The following PGPEP1L variants were observed in gnomAD, a reference collection of about 807,000 sequenced individuals.
PGPEP1L encodes pyroglutamyl-peptidase 1-like protein.
A neutral mutation model predicts 6.0 loss-of-function variants in PGPEP1L; 7 were observed. That is an observed-to-expected ratio of 1.17 (90% CI 0.66 to 2.19). The LOEUF is 2.19. PGPEP1L is among the 30% of genes most tolerant of loss of function. PGPEP1L has a pLI of 0.00. For missense variants in PGPEP1L, 209 were observed against 192.5 expected, an observed-to-expected ratio of 1.09 and a Z score of -0.51; for synonymous variants, 103 against 83.9, an observed-to-expected ratio of 1.23 and a Z score of -1.24.
Position 98,968,575 on chromosome 15 carries a change from A to ACC in PGPEP1L, c.331_332insGG (p.Val111GlyfsTer75). The ACC allele has an allele frequency of 1.2e-6, 2 of 1,611,432 alleles. No homozygotes were observed. Among genetic ancestry groups the ACC allele is most frequent in the Non-Finnish European group, 1.7e-6 (2 of 1,178,806 alleles). On this transcript the variant is annotated frameshift_variant, in exon 5 of 5. Coordinates refer to ENST00000535714, the MANE Select transcript of PGPEP1L (RefSeq NM_001167902.2). LOFTEE classifies it low-confidence loss of function (END_TRUNC). ...CTCTTCCAGCATTTCCTGGATGATG[A>ACC]CTCTCAAGGCTCTTCCCAGCAGGCT...
At chr15:98,989,041 A>C (rs551521117) in intron 2 of PGPEP1L, among the ~76,000 whole-genome samples, 1 of 152,362 alleles carries the variant, frequency 6.6e-6, no homozygotes, top group East Asian at 1.9e-4. Flanking sequence ...CAGTGCAAAA[A>C]GGCTGAAAAT....
chr15:98,969,217 C>T (rs1473353666), intron 4 of PGPEP1L, among the ~76,000 whole-genome samples: 1 of 152,216 alleles, frequency 6.6e-6, no homozygotes, highest in Non-Finnish European at 1.5e-5. Flanking sequence ...ACCGTGTTTC[C>T]ACAGGCAGGT....
intron 3 of PGPEP1L, 24 bp downstream of exon 3, chr15:98,971,012 C>T: frequency 6.2e-6 from 10 of 1,612,734 alleles, no homozygotes; most frequent in Non-Finnish European, 8.5e-6. Context: ...GTCCCATGCC[C>T]CACTGCCTCT....
chr15:99,001,687 T>C (rs2017972595), intron 2 of PGPEP1L, among the ~76,000 whole-genome samples: 2 of 89,378 alleles, frequency 2.2e-5, no homozygotes. Flanking sequence ...ATGTACTGTA[T>C]GATTTCATTT....
intron 2 of PGPEP1L, among the ~76,000 whole-genome samples, chr15:98,991,230 AAGAG>A (rs1235167204): frequency 6.6e-6 from 1 of 152,160 alleles, no homozygotes; most frequent in East Asian, 1.9e-4. Flanking sequence ...TAATAAAGAA[AAGAG>A]AGAAGAATCA....
chr15:98,975,081 TGAA>T, intron 2 of PGPEP1L, among the ~76,000 whole-genome samples: 1 of 152,178 alleles, frequency 6.6e-6, no homozygotes. Context: ...TGCCCATGAA[TGAA>T]TGAATGAATG....
intron 2 of PGPEP1L, among the ~76,000 whole-genome samples, chr15:98,988,374 G>A (rs530587072): frequency 6.6e-6 from 1 of 152,166 alleles, no homozygotes; most frequent in Admixed American, 6.5e-5. Context: ...AAAGCCACCG[G>A]GAAGTTCAAA....
At chr15:98,996,014 G>C (rs1241403104) in intron 2 of PGPEP1L, among the ~76,000 whole-genome samples, 2 of 152,022 alleles carry the variant, frequency 1.3e-5, no homozygotes, top group African/African-American at 4.8e-5. Flanking sequence ...CTCAACAACT[G>C]TTTTAAATTT....
At chr15:98,991,075 C>G (rs1327457093) in intron 2 of PGPEP1L, among the ~76,000 whole-genome samples, 1 of 151,726 alleles carries the variant, frequency 6.6e-6, no homozygotes, top group Non-Finnish European at 1.5e-5. Flanking sequence ...AGAACAAATT[C>G]AAAAGCTAGC....
At chr15:98,994,989 G>A (rs550589968) in intron 2 of PGPEP1L, among the ~76,000 whole-genome samples, 1 of 151,918 alleles carries the variant, frequency 6.6e-6, no homozygotes, top group African/African-American at 2.4e-5. Flanking sequence ...CCTTGTTTTT[G>A]GTATTCTGTA....
intron 2 of PGPEP1L, among the ~76,000 whole-genome samples, chr15:98,972,366 A>ATAAG (rs1266579514): frequency 1.3e-5 from 2 of 148,690 alleles, no homozygotes; most frequent in Non-Finnish European, 3.0e-5. Flanking sequence ...AAATAAATAA[A>ATAAG]TAAATAAATA....
intron 2 of PGPEP1L, among the ~76,000 whole-genome samples, chr15:98,978,135 G>T (rs1191782819): frequency 6.6e-6 from 1 of 152,198 alleles, no homozygotes; most frequent in Non-Finnish European, 1.5e-5. Context: ...CACCTCCAGA[G>T]ATCTTTTCGG....
chr15:98,988,011 G>A lies in PGPEP1L; in HGVS notation c.-141-16853C>T, dbSNP rs116623561. Among the ~76,000 whole-genome samples the A allele has an allele frequency of 2.8e-3, 429 of 152,340 alleles. 2 individuals carry two copies. The highest frequency in any genetic ancestry group is 7.9e-3 in the African/African-American group (328 of 41,582). ...ACTGGCAGACCAGGGGATTCCCTCCGGTGCCTAGGCCACCAGGGCCCTGGG... is the reference window on the plus strand; with the variant it reads ...ACTGGCAGACCAGGGGATTCCCTCCAGTGCCTAGGCCACCAGGGCCCTGGG... On this transcript the variant is annotated intron_variant, in intron 2 of 4. Coordinates refer to ENST00000535714, the MANE Select transcript of PGPEP1L (RefSeq NM_001167902.2).
intron 2 of PGPEP1L, among the ~76,000 whole-genome samples, chr15:98,985,562 C>A (rs531733733): frequency 1.3e-5 from 2 of 152,234 alleles, no homozygotes; most frequent in African/African-American, 4.8e-5. Flanking sequence ...AACAACCAAA[C>A]AAAAAACCCA....
chr15:98,992,452 A>G (rs782118394), intron 2 of PGPEP1L, among the ~76,000 whole-genome samples: 1 of 152,188 alleles, frequency 6.6e-6, no homozygotes, highest in Non-Finnish European at 1.5e-5. Context: ...ATGAGAGGAC[A>G]CAAACAAATG....
At chr15:99,003,471 G>C (rs1314911683) in intron 2 of PGPEP1L, among the ~76,000 whole-genome samples, 3 of 151,784 alleles carry the variant, frequency 2.0e-5, no homozygotes, top group African/African-American at 7.3e-5. Flanking sequence ...TTAGAATTCT[G>C]AGAGGCCCGT....
At chr15:98,981,934 A>AG (rs2017670183) in intron 2 of PGPEP1L, among the ~76,000 whole-genome samples, 1 of 152,174 alleles carries the variant, frequency 6.6e-6, no homozygotes. Flanking sequence ...TGTAGGAAGT[A>AG]GGGGGACCCA....
chr15:99,005,185 T>A (rs1555473471), intron 2 of PGPEP1L, among the ~76,000 whole-genome samples: 1 of 152,182 alleles, frequency 6.6e-6, no homozygotes, highest in Non-Finnish European at 1.5e-5. Context: ...GGCACCTTCG[T>A]GCCCGCCACT....
chr15:98,971,006 C>A, intron 3 of PGPEP1L, 30 bp downstream of exon 3: 1 of 1,612,348 alleles, frequency 6.2e-7, no homozygotes, highest in Non-Finnish European at 8.5e-7. Flanking sequence ...TCGCCAGTCC[C>A]ATGCCCCACT....
Sources: gnomAD v4.1 joint callset for allele counts (sites outside exome capture counted in the v4.1 genomes callset) on GRCh38, gnomAD v4.1.1 for gene constraint, MANE v1.5 for transcripts, NCBI Gene and HGNC (gene_info 2026-07-23, HGNC 2026-07-21) for gene names.